Variants in NPR1 observed in about 807,000 individuals in gnomAD.
NPR1 encodes natriuretic peptide receptor 1, also known as atrial natriuretic peptide receptor 1.
Under a neutral mutation model 116.9 loss-of-function variants are expected in NPR1, and 57 were observed. That is an observed-to-expected ratio of 0.49 (90% CI 0.39 to 0.61). NPR1 has a LOEUF of 0.61. NPR1 is among the 20% of genes least tolerant of loss of function. The pLI is 0.00. For synonymous variants in NPR1, 555 were observed against 601.6 expected (o/e 0.92, Z 1.13); for missense variants, 1,096 against 1,409.8 (o/e 0.78, Z 3.56).
At chr1:153,690,220 T>G (rs1670066733) in intron 19 of NPR1, 64 bp from the exon 20 acceptor site, 1 of 1,296,378 alleles carries the variant, frequency 7.7e-7, no homozygotes, top group Non-Finnish European at 1.1e-6. Flanking sequence ...TCCACCTACC[T>G]CCCTTAACAC....
Position 153,681,170 on chromosome 1 carries a change from C to A in NPR1, c.922-10C>A. ...CCCAACTCTCTGCTCTCCACTGACC[C>A]CTTTCTCAGGCTGCCAAAATCATTA... is the stretch of plus-strand genomic sequence containing the variant. On this transcript the variant is annotated splice_polypyrimidine_tract_variant and intron_variant, in intron 2 of 21. Transcript: ENST00000368680. 1 of 1,545,572 alleles carries A rather than the reference C, an allele frequency of 6.5e-7. No homozygotes were observed. The highest frequency in any genetic ancestry group is 1.1e-5 in the South Asian group (1 of 89,642).
In NPR1 at chr1:153,680,645, G is replaced by A. The variant is rs1221456184; in HGVS notation, c.866G>A (p.Arg289His). 5.0e-6 allele frequency: 8 copies of A among 1,614,098 alleles called. No individual in the cohort carries two copies. The highest frequency in any genetic ancestry group is 3.3e-5 in the Admixed American group (2 of 60,014). ...SLQGGQGPAP[R>H]RPWERGDGQD... is the part of the protein sequence containing the mutation. ...CAAGGTGGACAGGGCCCTGCTCCCC[G>A]CAGGCCCTGGGAGAGAGGGGATGGG... Residue 289 changes from arginine (R) to histidine (H), a missense_variant, in exon 2 of 22, where the codon CGC (arginine) becomes CAC (histidine). Coordinates refer to ENST00000368680, the MANE Select transcript of NPR1 (RefSeq NM_000906.4).
chr1:153,680,556 G>C lies in NPR1; in HGVS notation c.777G>C (p.Leu259=), dbSNP rs1238444225. Residue 259 remains leucine (L), a synonymous_variant, in exon 2 of 22, where the codon CTG becomes CTC. Coordinates refer to ENST00000368680, the MANE Select transcript of NPR1 (RefSeq NM_000906.4). ...TCAGAACCCTCATGCTCCTGGCCCT[G>C]GAAGCTGGCTTGTGTGGGGAGGACT... ...DAFRTLMLLA[L]EAGLCGEDYV... 3 of 1,614,176 alleles carry C rather than the reference G, an allele frequency of 1.9e-6. No homozygotes were observed. In the East Asian group the frequency reaches 6.7e-5, roughly 36 times the overall value.
At chr1:153,685,719 G>A in intron 8 of NPR1, 87 bp from the exon 9 acceptor site, 2 of 1,019,432 alleles carry the variant, frequency 2.0e-6, no homozygotes, top group Non-Finnish European at 3.1e-6. Context: ...GCAGGATAAG[G>A]CAGGGAAATA....
At chr1:153,685,688 GA>G (rs1386454274) in intron 8 of NPR1, 117 bp from the exon 9 acceptor site, 2 of 783,588 alleles carry the variant, frequency 2.6e-6, no homozygotes, top group Admixed American at 2.4e-5. Flanking sequence ...CAACAAAAAG[GA>G]AGGGTGACAC....
chr1:153,681,870 G>A, intron 4 of NPR1, 31 bp downstream of exon 4: 1 of 1,609,010 alleles, frequency 6.2e-7, no homozygotes, highest in Non-Finnish European at 8.5e-7. Context: ...GGAATGGGCT[G>A]CCTTGGGGGA....
chr1:153,687,790 G>T lies in NPR1; in HGVS notation c.2248+1G>T. 1.3e-6 allele frequency: 2 copies of T among 1,579,314 alleles called. No homozygotes were observed. The highest frequency in any genetic ancestry group is 1.7e-6 in the Non-Finnish European group (2 of 1,156,948). On this transcript the variant is annotated splice_donor_variant, in intron 14 of 21. Coordinates refer to ENST00000368680, the MANE Select transcript of NPR1 (RefSeq NM_000906.4). LOFTEE classifies it high-confidence loss of function. ...GAAGGTTTGGACCTGAGCCCCAAAGGTGAGAGGAGCACACCTTCCTTAAAC... is the reference window on the plus strand; with the variant it reads ...GAAGGTTTGGACCTGAGCCCCAAAGTTGAGAGGAGCACACCTTCCTTAAAC...
At chr1:153,688,004 A>G in intron 14 of NPR1, 49 bp from the exon 15 acceptor site, 1 of 1,368,074 alleles carries the variant, frequency 7.3e-7, no homozygotes, top group Non-Finnish European at 1.0e-6. Context: ...GTCTCTCACT[A>G]GGCCCTTGGC....
In NPR1 at chr1:153,689,978, CAGGTA is replaced by C. The variant is rs1315986409; in HGVS notation, c.2932+2_2932+6del. ...CTGCGCTTGCGCATTGGCATCCACA[CAGGTA>C]AGGCCACTGAAGGTGCAGGCGGGCA... On this transcript the variant is annotated splice_donor_variant and splice_donor_region_variant and coding_sequence_variant and intron_variant, in exon 19 of 22. Coordinates refer to ENST00000368680, the MANE Select transcript of NPR1 (RefSeq NM_000906.4). LOFTEE classifies it high-confidence loss of function. The surrounding 1 kb of genome is among the most constrained non-coding windows in gnomAD (Gnocchi z 5.1). 2.6e-6 allele frequency: 4 copies of C among 1,511,070 alleles called. No homozygotes were observed. The highest frequency in any genetic ancestry group is 3.6e-6 in the Non-Finnish European group (4 of 1,123,740). 93.6% of individuals were successfully genotyped at this position (1,511,070 alleles called of 1,614,324 possible). A position where few individuals can be genotyped will look rare whatever the true frequency, so the allele number is the denominator to read the frequency against.
Position 153,689,023 on chromosome 1 carries a change from C to A in NPR1, c.2488C>A (p.Leu830Met). Residue 830 changes from leucine to methionine, a missense_variant, in exon 16 of 22, where the codon CTG becomes ATG. Physicochemically the swap from Leu to Met is conservative, Grantham distance 15. Coordinates refer to ENST00000368680, the MANE Select transcript of NPR1 (RefSeq NM_000906.4). The surrounding 1 kb of genome is among the most constrained non-coding windows in gnomAD (Gnocchi z 5.1). ...MEQYANNLEE[L>M]VEERTQAYLE... Reference sequence around the variant, plus strand: ...GCAGTACGCGAACAATCTGGAGGAACTGGTGGAGGAGCGGACCCAGGCATA... The same window carrying A: ...GCAGTACGCGAACAATCTGGAGGAAATGGTGGAGGAGCGGACCCAGGCATA... 6.2e-7 allele frequency: 1 copy of A among 1,614,226 alleles called. No individual in the cohort carries two copies. The highest frequency in any genetic ancestry group is 8.5e-7 in the Non-Finnish European group (1 of 1,180,046).
chr1:153,690,311 T>G lies in NPR1; in HGVS notation c.2960T>G (p.Leu987Arg). 6.4e-7 allele frequency: 1 copy of G among 1,560,300 alleles called. No homozygotes were observed. Among genetic ancestry groups the G allele is most frequent in the South Asian group, 1.2e-5 (1 of 84,794 alleles). Reference protein sequence around the residue: ...TGPVCAGVVGLKMPRYCLFGD... With the variant: ...TGPVCAGVVGRKMPRYCLFGD... ...CCTGTGTGTGCTGGAGTGGTGGGAC[T>G]GAAGATGCCCCGTTACTGTCTCTTT... Residue 987 changes from leucine (L) to arginine (R), a missense_variant, in exon 20 of 22, where the codon CTG becomes CGG. Physicochemically the swap from Leu to Arg is moderately radical, Grantham distance 102. Transcript: ENST00000368680.
rs1271121690 is a variant in NPR1 at position 153,693,345 on chromosome 1, C to T, written c.3124-7C>T. On this transcript the variant is annotated splice_region_variant and splice_polypyrimidine_tract_variant and intron_variant, in intron 21 of 21. Transcript: ENST00000368680. ...ACTCCCCAGCCCATCCTCTTTTTTC[C>T]CTCCAGGGCAAAGGCAAGGTTCGGA... 4 of 1,611,962 alleles carry T rather than the reference C, an allele frequency of 2.5e-6. No homozygotes were observed. The highest frequency in any genetic ancestry group is 3.4e-5 in the Admixed American group (2 of 59,662).
intron 4 of NPR1, among the ~76,000 whole-genome samples, chr1:153,682,244 G>C (rs1041468008): frequency 6.6e-6 from 1 of 151,778 alleles, no homozygotes; most frequent in Non-Finnish European, 1.5e-5. Flanking sequence ...TTTTTTAGTA[G>C]AGACAGGGTT....
intron 19 of NPR1, 143 bp from the exon 20 acceptor site, chr1:153,690,141 T>TCTCTCTCTCTCTCTCA (rs1553231949): frequency 5.6e-6 from 2 of 358,288 alleles, no homozygotes; most frequent in Non-Finnish European, 9.4e-6. Context: ...TCTCTCTCTC[T>TCTCTCTCTCTCTCTCA]CACACACACA....
chr1:153,686,313 G>T, intron 10 of NPR1, 113 bp downstream of exon 10: 1 of 1,024,938 alleles, frequency 9.8e-7, no homozygotes. Context: ...GAAAGGGGCA[G>T]GGACTGGAGC....
chr1:153,692,228 T>C (rs1670126775), intron 20 of NPR1, among the ~76,000 whole-genome samples: 1 of 152,180 alleles, frequency 6.6e-6, no homozygotes, highest in Non-Finnish European at 1.5e-5. Flanking sequence ...ACTGACACTA[T>C]CAGCATTTTA....
chr1:153,684,653 G>C lies in NPR1; in HGVS notation c.1485-311G>C, dbSNP rs778674072. ...GATCCACCCACCTTGGCCTCCCAAAGTGCTGGGATTACAGGCATGAGCCAC... is the reference window on the plus strand; with the variant it reads ...GATCCACCCACCTTGGCCTCCCAAACTGCTGGGATTACAGGCATGAGCCAC... On this transcript the variant is annotated intron_variant, in intron 7 of 21. Coordinates refer to ENST00000368680, the MANE Select transcript of NPR1 (RefSeq NM_000906.4). 6.6e-5 allele frequency among the ~76,000 whole-genome samples: 10 copies of C among 152,110 alleles called. 1 individual carries two copies. The highest frequency in any genetic ancestry group is 1.3e-4 in the Non-Finnish European group (9 of 68,014).
At chr1:153,688,344 T>C (rs1351654140) in intron 15 of NPR1, 123 bp downstream of exon 15, 1 of 976,116 alleles carries the variant, frequency 1.0e-6, no homozygotes, top group Non-Finnish European at 1.5e-6. Flanking sequence ...TCCCTGTACA[T>C]AGTCAGCTCC....
rs143219747 is a variant in NPR1 at position 153,682,185 on chromosome 1, G to A, written c.1172-313G>A. Among the ~76,000 whole-genome samples, 785 of 152,050 alleles carry A rather than the reference G, an allele frequency of 5.2e-3. 11 individuals carry two copies. The highest frequency in any genetic ancestry group is 0.018 in the African/African-American group (749 of 41,448). On this transcript the variant is annotated intron_variant, in intron 4 of 21. Coordinates refer to ENST00000368680, the MANE Select transcript of NPR1 (RefSeq NM_000906.4). The stretch of plus-strand genomic sequence containing the variant: ...TTCTCCTGCCTCAGCCTCCTGAGTA[G>A]CTGGGATTACAGGTGCCCTCCACCA...
Sources: allele counts gnomAD v4.1 joint callset (sites outside exome capture counted in the v4.1 genomes callset), GRCh38; gene constraint gnomAD v4.1.1; non-coding constraint Gnocchi (gnomAD v3.1); transcripts MANE v1.5; gene names NCBI Gene and HGNC (gene_info 2026-07-23, HGNC 2026-07-21).